Variants in SMG6 observed in about 807,000 individuals in gnomAD.
SMG6 encodes telomerase-binding protein EST1A.
In SMG6, 66 loss-of-function variants were observed where a neutral mutation model predicts 142.2. The observed-to-expected ratio is 0.46, with a 90% CI of 0.38 to 0.57. SMG6 has a LOEUF of 0.57. Ranked by LOEUF, SMG6 falls within the 20% of genes least tolerant of loss-of-function variation. The pLI, the probability that SMG6 is intolerant of heterozygous loss-of-function variation, is 0.00. For missense variants in SMG6, 1,793 were observed against 1,832.0 expected (o/e 0.98, Z 0.39); for synonymous variants, 779 against 702.4 (o/e 1.11, Z -1.72).
chr17:2,136,088 A>T (rs1382877528), intron 13 of SMG6, among the ~76,000 whole-genome samples: 1 of 140,940 alleles, frequency 7.1e-6, no homozygotes, highest in Non-Finnish European at 1.6e-5. Flanking sequence ...TTTGAGACAG[A>T]GTCTCGCTCT....
intron 10 of SMG6, among the ~76,000 whole-genome samples, chr17:2,196,468 G>T (rs1433297031): frequency 6.6e-6 from 1 of 152,086 alleles, no homozygotes; most frequent in Non-Finnish European, 1.5e-5. Flanking sequence ...AAACTGGGGA[G>T]AGTTACCATG....
At chr17:2,076,741 C>T (rs2068270726) in intron 15 of SMG6, among the ~76,000 whole-genome samples, 1 of 152,220 alleles carries the variant, frequency 6.6e-6, no homozygotes, top group Admixed American at 6.5e-5. Context: ...CTGAGAAATC[C>T]TCTTGTGGCT....
At chr17:2,184,174 C>G (rs1181367547) in intron 12 of SMG6, among the ~76,000 whole-genome samples, 1 of 151,964 alleles carries the variant, frequency 6.6e-6, no homozygotes. Context: ...ACCAGCCTGA[C>G]CAGCATGGTG....
chr17:2,237,422 TGTC>T (rs2073693788), intron 9 of SMG6: 1 of 716,574 alleles, frequency 1.4e-6, no homozygotes, highest in African/African-American at 1.9e-5. Context: ...GTTCTGCTAT[TGTC>T]TTCTGAGGTA....
At chr17:2,303,551 G>A in intron 1 of SMG6, 82 bp downstream of exon 1, 2 of 1,346,234 alleles carry the variant, frequency 1.5e-6, no homozygotes, top group East Asian at 3.1e-5. Flanking sequence ...GGAGCCGAGG[G>A]CCGAGCGGGG....
Position 2,258,022 on chromosome 17 carries a change from A to ATATATAT in SMG6, c.2662-13304_2662-13303insATATATA, listed in dbSNP as rs1423222984. ...AGACTCTGTCGCAAAAAAAAAAAAA[A>ATATATAT]AAAAAAAAAAAAATATACACACACA... On this transcript the variant is annotated intron_variant, in intron 8 of 18. Coordinates refer to ENST00000263073, the MANE Select transcript of SMG6 (RefSeq NM_017575.5). Among the ~76,000 whole-genome samples the ATATATAT allele has an allele frequency of 9.1e-4, 49 of 53,912 alleles. 1 individual carries two copies. Among genetic ancestry groups the ATATATAT allele is most frequent in the Non-Finnish European group, 1.1e-3 (24 of 21,596 alleles). 35.4% of individuals were successfully genotyped at this position (53,912 alleles called of 152,430 possible). A position where few individuals can be genotyped will look rare whatever the true frequency, so the allele number is the denominator to read the frequency against.
At chr17:2,171,356 AGTGTGTGTGTGT>A (rs10601842) in intron 13 of SMG6, among the ~76,000 whole-genome samples, 4 of 149,412 alleles carry the variant, frequency 2.7e-5, no homozygotes, top group African/African-American at 4.9e-5. Flanking sequence ...AAAATGAAAG[AGTGTGTGTGTGT>A]GTGTGTGTGT....
chr17:2,157,337 C>T (rs955788190), intron 13 of SMG6, among the ~76,000 whole-genome samples: 1 of 152,228 alleles, frequency 6.6e-6, no homozygotes, highest in Non-Finnish European at 1.5e-5. Flanking sequence ...TTCGATGCAA[C>T]ACAAATGTTT....
In SMG6 at chr17:2,299,056, G is replaced by A. The variant is rs1324870471; in HGVS notation, c.1697C>T (p.Pro566Leu). Reference sequence around the variant, plus strand: ...CCTCATGTGCTGCTCTACCTCCTCGGGACTCATGGTGCTGGTAGGTAGAGG... The same window carrying A: ...CCTCATGTGCTGCTCTACCTCCTCGAGACTCATGGTGCTGGTAGGTAGAGG... ...CSPLPTSTMS[P>L]EEVEQHMRNL... The change falls in exon 2 of 19, where the codon CCC becomes CTC. Residue 566 changes from proline to leucine, a missense_variant. Around this residue, in one of 3 missense-constraint regions of SMG6, gnomAD observed 1,597 missense variants for 1,584.6 expected, o/e 1.01. Coordinates refer to ENST00000263073, the MANE Select transcript of SMG6 (RefSeq NM_017575.5). The surrounding 1 kb of genome is among the most constrained non-coding windows in gnomAD (Gnocchi z 4.3). The A allele has an allele frequency of 6.2e-7, 1 of 1,614,006 alleles. No homozygotes were observed. The highest frequency in any genetic ancestry group is 8.5e-7 in the Non-Finnish European group (1 of 1,180,028).
intron 16 of SMG6, 136 bp from the exon 17 acceptor site, chr17:2,065,815 C>G (rs1327868496): frequency 1.4e-6 from 1 of 738,062 alleles, no homozygotes; most frequent in African/African-American, 1.7e-5. Flanking sequence ...TCCAATGAAA[C>G]TAGGGCCGGA....
chr17:2,136,900 T>C (rs1430751098), intron 13 of SMG6, among the ~76,000 whole-genome samples: 1 of 152,150 alleles, frequency 6.6e-6, no homozygotes, highest in Non-Finnish European at 1.5e-5. Context: ...GGCTCACGCT[T>C]GTAATTTCAG....
At chr17:2,279,257 G>A (rs1442766621) in intron 8 of SMG6, among the ~76,000 whole-genome samples, 1 of 152,210 alleles carries the variant, frequency 6.6e-6, no homozygotes, top group Admixed American at 6.5e-5. Flanking sequence ...ACAACAGCCA[G>A]GAGCCAGAAA....
intron 12 of SMG6, among the ~76,000 whole-genome samples, chr17:2,177,404 GAA>G (rs34653450): frequency 0.32 from 48,429 of 151,924 alleles, 8,529 homozygotes; most frequent in Admixed American, 0.4. Context: ...GAGAGAGTCT[GAA>G]AAGAGTGGAG....
At chr17:2,091,603 C>T (rs2068716183) in intron 13 of SMG6, among the ~76,000 whole-genome samples, 1 of 152,146 alleles carries the variant, frequency 6.6e-6, no homozygotes, top group South Asian at 2.1e-4. Context: ...CACTCTTTCC[C>T]TACCCCTGCT....
At chr17:2,102,528 ATTT>A (rs374584197) in intron 13 of SMG6, among the ~76,000 whole-genome samples, 19 of 81,612 alleles carry the variant, frequency 2.3e-4, no homozygotes, top group Admixed American at 8.6e-4. Context: ...TGCTAATTTC[ATTT>A]TTTTTTTTTT....
rs11415492 is a variant in SMG6 at position 2,194,707 on chromosome 17, C to CAAA, written c.2870-6195_2870-6193dup. Among the ~76,000 whole-genome samples the CAAA allele has an allele frequency of 1.6e-4, 22 of 139,990 alleles. 1 individual carries two copies. The highest frequency in any genetic ancestry group is 1.1e-3 in the Admixed American group (16 of 14,130). The allele number at this position is 139,990 out of a possible 152,430, so 91.8% of individuals were successfully genotyped here. A position where few individuals can be genotyped will look rare whatever the true frequency, so the allele number is the denominator to read the frequency against. The stretch of plus-strand genomic sequence containing the variant: ...TCTACCAAAAGAAAAGAAAACAAAA[C>CAAA]AAAACAAAAAAAAAAAGAAAGAAAC... On this transcript the variant is annotated intron_variant, in intron 10 of 18. Transcript: ENST00000263073.
Position 2,136,411 on chromosome 17 carries a change from T to C in SMG6, c.3357+36247A>G, listed in dbSNP as rs183959702. The stretch of plus-strand genomic sequence containing the variant: ...CAACCACACAGTGAGCTCTAAGAAA[T>C]AGAAGTAAATCATGGCATTTCTTCA... On this transcript the variant is annotated intron_variant, in intron 13 of 18. Coordinates refer to ENST00000263073, the MANE Select transcript of SMG6 (RefSeq NM_017575.5). Among the ~76,000 whole-genome samples, 78 of 152,284 alleles carry C rather than the reference T, an allele frequency of 5.1e-4. 1 individual carries two copies. The highest frequency in any genetic ancestry group is 1.3e-3 in the African/African-American group (55 of 41,556).
chr17:2,065,744 C>T, intron 16 of SMG6, 65 bp from the exon 17 acceptor site: 3 of 1,370,036 alleles, frequency 2.2e-6, no homozygotes, highest in Non-Finnish European at 3.0e-6. Context: ...GGCCTCTGTC[C>T]ATTCACTTTC....
intron 13 of SMG6, chr17:2,088,183 GGCAGGAGTGTTGCTGCT>G: frequency 1.0e-6 from 1 of 985,394 alleles, no homozygotes; most frequent in Non-Finnish European, 1.2e-6. Context: ...CAGACAGGCG[GGCAGGAGTGTTGCTGCT>G]GCTAGAGCAC....
Sources: gnomAD v4.1 joint callset for allele counts (sites outside exome capture counted in the v4.1 genomes callset) on GRCh38, gnomAD v4.1.1 for gene constraint, gnomAD v4.1.1 regional missense constraint, Gnocchi (gnomAD v3.1) non-coding constraint, MANE v1.5 for transcripts, NCBI Gene and HGNC (gene_info 2026-07-23, HGNC 2026-07-21) for gene names.